Variants in STXBP6 observed in about 807,000 individuals in gnomAD.
STXBP6 encodes the protein syntaxin-binding protein 6.
A neutral mutation model predicts 26.9 loss-of-function variants in STXBP6; 21 were observed. The ratio of observed to expected loss-of-function variants is 0.78; its 90% CI spans 0.55 to 1.12. STXBP6 has a LOEUF of 1.12. Among genes scored for constraint, STXBP6 ranks in the 50% most tolerant of loss-of-function variants. The pLI, the probability that STXBP6 is intolerant of heterozygous loss-of-function variation, is 0.00. For synonymous variants in STXBP6, 97 were observed against 92.6 expected (o/e 1.05, Z -0.27); for missense variants, 232 against 257.9 (o/e 0.90, Z 0.69).
At chr14:24,824,731 G>A (rs182656677) in intron 4 of STXBP6, among the ~76,000 whole-genome samples, 101 of 152,218 alleles carry the variant, frequency 6.6e-4, no homozygotes, top group African/African-American at 2.4e-3. Flanking sequence ...CTTTCCAAAC[G>A]GAAGAGTTGT....
At chr14:25,012,897 C>G (rs554071728) in intron 1 of STXBP6, among the ~76,000 whole-genome samples, 1 of 152,038 alleles carries the variant, frequency 6.6e-6, no homozygotes, top group African/African-American at 2.4e-5. Flanking sequence ...AAGGGATTCC[C>G]ATCGGCCAAA....
chr14:25,022,086 T>A (rs2075272597), intron 1 of STXBP6, among the ~76,000 whole-genome samples: 1 of 152,212 alleles, frequency 6.6e-6, no homozygotes, highest in Non-Finnish European at 1.5e-5. Context: ...CTGTGTCAAT[T>A]AAAATTCTTT....
chr14:25,005,155 A>G (rs2074860373), intron 1 of STXBP6, among the ~76,000 whole-genome samples: 1 of 152,224 alleles, frequency 6.6e-6, no homozygotes, highest in Non-Finnish European at 1.5e-5. Flanking sequence ...ACATTTATTT[A>G]CCTTTTTAAA....
chr14:24,895,573 T>A (rs1167466530), intron 2 of STXBP6, among the ~76,000 whole-genome samples: 1 of 152,162 alleles, frequency 6.6e-6, no homozygotes, highest in Non-Finnish European at 1.5e-5. Context: ...CTAGTAGAGG[T>A]CCAGACACAT....
chr14:24,890,933 G>C (rs2070764375), intron 2 of STXBP6, among the ~76,000 whole-genome samples: 1 of 152,154 alleles, frequency 6.6e-6, no homozygotes, highest in South Asian at 2.1e-4. Flanking sequence ...CAAGTATCAG[G>C]GTAGAATTAC....
At chr14:24,924,663 G>A (rs921934263) in intron 2 of STXBP6, among the ~76,000 whole-genome samples, 2 of 152,130 alleles carry the variant, frequency 1.3e-5, no homozygotes, top group African/African-American at 2.4e-5. Flanking sequence ...AATAAGGCAA[G>A]CATGTATGTA....
intron 2 of STXBP6, among the ~76,000 whole-genome samples, chr14:24,944,937 C>T (rs1164770141): frequency 6.6e-6 from 1 of 152,016 alleles, no homozygotes; most frequent in East Asian, 1.9e-4. Context: ...CTCAGAGATT[C>T]TACTCGCTAG....
intron 1 of STXBP6, among the ~76,000 whole-genome samples, chr14:25,034,381 T>G (rs1056210894): frequency 3.3e-5 from 5 of 152,218 alleles, no homozygotes; most frequent in Non-Finnish European, 7.3e-5. Flanking sequence ...ACCCAGTTTC[T>G]TCTCAAAATC....
chr14:25,044,911 GCTACCCA>G (rs1172487176), intron 1 of STXBP6, among the ~76,000 whole-genome samples: 1 of 152,184 alleles, frequency 6.6e-6, no homozygotes, highest in Non-Finnish European at 1.5e-5. Context: ...ATCAAAGAGT[GCTACCCA>G]CCATTTATAT....
chr14:24,941,450 T>G (rs2072800581), intron 2 of STXBP6, among the ~76,000 whole-genome samples: 1 of 152,154 alleles, frequency 6.6e-6, no homozygotes, highest in South Asian at 2.1e-4. Context: ...TAAAGGATGA[T>G]GGAAGAATAT....
In STXBP6 at chr14:24,845,818, G is replaced by A. The variant is rs75524072; in HGVS notation, c.451+10118C>T. On this transcript the variant is annotated intron_variant, in intron 4 of 5. Coordinates refer to ENST00000323944, the MANE Select transcript of STXBP6 (RefSeq NM_001394410.1). ...GGGTGGACACAATATAAACACAAAG[G>A]AAGGCAGGGGTGTCAGAGACAGAGA... 8.9e-3 allele frequency among the ~76,000 whole-genome samples: 1,350 copies of A among 152,254 alleles called. 33 individuals carry two copies. Among genetic ancestry groups the A allele is most frequent in the African/African-American group, 0.03 (1,248 of 41,530 alleles).
intron 1 of STXBP6, among the ~76,000 whole-genome samples, chr14:25,022,791 G>A (rs764072529): frequency 6.6e-6 from 1 of 152,080 alleles, no homozygotes; most frequent in Non-Finnish European, 1.5e-5. Flanking sequence ...TACTGAAAAT[G>A]CCACATTTTT....
chr14:24,823,611 T>C (rs80305558), intron 4 of STXBP6, among the ~76,000 whole-genome samples: 4,798 of 152,188 alleles, frequency 0.032, 168 homozygotes, highest in East Asian at 0.19. Flanking sequence ...ACATAAATAA[T>C]AAATATATGC....
At chr14:25,004,829 C>A (rs376551562) in intron 1 of STXBP6, among the ~76,000 whole-genome samples, 4 of 152,370 alleles carry the variant, frequency 2.6e-5, no homozygotes, top group African/African-American at 7.2e-5. Flanking sequence ...AGAAGCATAG[C>A]TTTCTATAAG....
intron 4 of STXBP6, among the ~76,000 whole-genome samples, chr14:24,845,454 C>T (rs2068931040): frequency 6.6e-6 from 1 of 152,168 alleles, no homozygotes; most frequent in Non-Finnish European, 1.5e-5. Context: ...TTTGATATTA[C>T]AGAACATGGC....
chr14:25,026,864 T>C (rs1474633636), intron 1 of STXBP6, among the ~76,000 whole-genome samples: 1 of 151,938 alleles, frequency 6.6e-6, no homozygotes, highest in Middle Eastern at 3.4e-3. Flanking sequence ...TTTTACACCA[T>C]TAAAACAAAA....
At chr14:24,839,303 CTGGG>C (rs1442881468) in intron 4 of STXBP6, among the ~76,000 whole-genome samples, 2 of 152,084 alleles carry the variant, frequency 1.3e-5, no homozygotes, top group Admixed American at 6.5e-5. Flanking sequence ...GATCTTTGCT[CTGGG>C]GTTGTAACTA....
At chr14:24,909,688 C>A (rs2071501516) in intron 2 of STXBP6, among the ~76,000 whole-genome samples, 1 of 150,856 alleles carries the variant, frequency 6.6e-6, no homozygotes, top group African/African-American at 2.4e-5. Flanking sequence ...TAGCATGTAT[C>A]CTGGATTCCA....
At chr14:24,899,801 C>G (rs7401230) in intron 2 of STXBP6, among the ~76,000 whole-genome samples, 11 of 108,628 alleles carry the variant, frequency 1.0e-4, no homozygotes, top group South Asian at 3.3e-4. Context: ...AAAAAAAAAG[C>G]AAAAAAAAAA....
Sources: gnomAD v4.1 joint callset for allele counts (sites outside exome capture counted in the v4.1 genomes callset) on GRCh38, gnomAD v4.1.1 for gene constraint, MANE v1.5 for transcripts, NCBI Gene and HGNC (gene_info 2026-07-23, HGNC 2026-07-21) for gene names.